The following ANK3 variants were observed in gnomAD, a reference collection of about 807,000 sequenced individuals.
The protein encoded by ANK3 is ankyrin-3.
A neutral mutation model predicts 370.9 loss-of-function variants in ANK3; 57 were observed. The observed-to-expected ratio is 0.15, with a 90% CI of 0.12 to 0.19. ANK3 has a LOEUF of 0.19. ANK3 is among the 10% of genes least tolerant of loss of function. The pLI, the probability that ANK3 is intolerant of heterozygous loss-of-function variation, is 1.00. For missense variants in ANK3, 4,439 were observed against 5,302.1 expected (o/e 0.84, Z 5.06); for synonymous variants, 1,929 against 1,946.3 (o/e 0.99, Z 0.23).
chr10:60,666,637 TAAGA>T lies in ANK3; in HGVS notation c.58-51417_58-51414del, dbSNP rs2078999670. Among the ~76,000 whole-genome samples, 4 of 152,208 alleles carry T rather than the reference TAAGA, an allele frequency of 2.6e-5. No homozygotes were observed. The South Asian group carries it at 8.3e-4, about 32-fold the overall frequency. Reference sequence around the variant, plus strand: ...ATAGGTTTCTTAAGTGTAGAAAACTTAAGAGAGAAAAAAGAGGTGTGCATATATT... The same window carrying T: ...ATAGGTTTCTTAAGTGTAGAAAACTTGAGAAAAAAGAGGTGTGCATATATT... On this transcript the variant is annotated intron_variant, in intron 1 of 43. Coordinates refer to the ANK3 transcript ENST00000373827.
intron 8 of ANK3, among the ~76,000 whole-genome samples, chr10:60,227,201 T>C (rs998661007): frequency 9.2e-5 from 14 of 152,048 alleles, no homozygotes; most frequent in Admixed American, 1.3e-4. Context: ...GATATTTATA[T>C]CAATCTATGT....
chr10:60,562,262 T>C (rs2077352634), intron 2 of ANK3, among the ~76,000 whole-genome samples: 1 of 152,258 alleles, frequency 6.6e-6, no homozygotes, highest in Non-Finnish European at 1.5e-5. Context: ...TGCTTAATGT[T>C]CCAAATTTCA....
chr10:60,214,845 A>G (rs888557547), intron 8 of ANK3, among the ~76,000 whole-genome samples: 1 of 152,192 alleles, frequency 6.6e-6, no homozygotes, highest in Non-Finnish European at 1.5e-5. Context: ...TCTTTATAGT[A>G]GAATGATTTA....
intron 2 of ANK3, among the ~76,000 whole-genome samples, chr10:60,525,432 A>G (rs1007084058): frequency 6.6e-5 from 10 of 152,156 alleles, no homozygotes; most frequent in Non-Finnish European, 1.2e-4. Context: ...TAAAATTTAG[A>G]AGAGTTGAAG....
chr10:60,588,160 T>TTTTTTATTA (rs375338986), intron 2 of ANK3, among the ~76,000 whole-genome samples: 19 of 141,112 alleles, frequency 1.3e-4, no homozygotes, highest in East Asian at 1.2e-3. Flanking sequence ...TTTCTCAGTT[T>TTTTTTATTA]TTATTATTAT....
At chr10:60,240,594 A>G (rs1272427366) in intron 7 of ANK3, among the ~76,000 whole-genome samples, 1 of 150,406 alleles carries the variant, frequency 6.6e-6, no homozygotes, top group African/African-American at 2.5e-5. Flanking sequence ...GTGAGCCACC[A>G]CACCCAGTCA....
Position 60,069,162 on chromosome 10 carries a change from C to T in ANK3, c.11719G>A (p.Val3907Ile). 6.2e-7 allele frequency: 1 copy of T among 1,614,196 alleles called. No homozygotes were observed. Among genetic ancestry groups the T allele is most frequent in the Non-Finnish European group, 8.5e-7 (1 of 1,180,024 alleles). Residue 3907 changes from valine (V) to isoleucine (I), a missense_variant, in exon 37 of 44, where the codon GTA (valine) becomes ATA (isoleucine). Val to Ile is a conservative substitution (Grantham distance 29, BLOSUM62 3). This residue lies in a region of ANK3 where 496 missense variants were observed against 529.3 expected (regional missense o/e 0.94). Transcript: ENST00000280772. Reference sequence around the variant, plus strand: ...ACTGGAATTCTGGACTTTACATCTACACATGAAGAAGTAGTAAGGGCTTTG... The same window carrying T: ...ACTGGAATTCTGGACTTTACATCTATACATGAAGAAGTAGTAAGGGCTTTG... ...KTKALTTSSC[V>I]DVKSRIPVKN...
chr10:60,636,567 A>C (rs2078558053), intron 1 of ANK3, among the ~76,000 whole-genome samples: 1 of 152,224 alleles, frequency 6.6e-6, no homozygotes, highest in Admixed American at 6.5e-5. Context: ...GTTATTAGTA[A>C]GAGCCCAGAC....
chr10:60,579,311 G>A (rs535606807), intron 2 of ANK3, among the ~76,000 whole-genome samples: 7 of 130,880 alleles, frequency 5.3e-5, no homozygotes, highest in African/African-American at 8.8e-5. Context: ...GCACCAGAGC[G>A]AGACTCTCTC....
chr10:60,441,735 T>C (rs1289878420), intron 2 of ANK3, among the ~76,000 whole-genome samples: 1 of 152,192 alleles, frequency 6.6e-6, no homozygotes, highest in Non-Finnish European at 1.5e-5. Flanking sequence ...TTCATACAAG[T>C]ACATAAATTT....
intron 23 of ANK3, among the ~76,000 whole-genome samples, chr10:60,161,052 T>C (rs1245891759): frequency 6.6e-6 from 1 of 152,076 alleles, no homozygotes. Context: ...CAATTAGACA[T>C]GAGAAAGAAA....
chr10:60,621,177 G>A (rs1335136387), intron 1 of ANK3, among the ~76,000 whole-genome samples: 1 of 152,148 alleles, frequency 6.6e-6, no homozygotes, highest in Non-Finnish European at 1.5e-5. Context: ...GCAATGCAAT[G>A]CAATGCAATG....
At chr10:60,716,746 G>A (rs1389224418) in intron 1 of ANK3, among the ~76,000 whole-genome samples, 3 of 152,064 alleles carry the variant, frequency 2.0e-5, no homozygotes, top group Non-Finnish European at 4.4e-5. Flanking sequence ...AAACTCCTGC[G>A]CTCAAGTGAT....
chr10:60,373,452 G>C (rs1270690930), intron 1 of ANK3, among the ~76,000 whole-genome samples: 16 of 152,200 alleles, frequency 1.1e-4, no homozygotes, highest in Admixed American at 1.0e-3. Context: ...GAAAGCAGGA[G>C]TTGGTGTGCC....
chr10:60,216,844 T>C (rs558983421), intron 8 of ANK3, among the ~76,000 whole-genome samples: 146 of 152,210 alleles, frequency 9.6e-4, no homozygotes, highest in African/African-American at 3.2e-3. Context: ...GGAATGGTAC[T>C]AGCTCCTCTT....
At chr10:60,670,390 C>T (rs1564524202) in intron 1 of ANK3, among the ~76,000 whole-genome samples, 1 of 152,172 alleles carries the variant, frequency 6.6e-6, no homozygotes, top group African/African-American at 2.4e-5. Context: ...CTGGATTCCT[C>T]CCCTTTCCTC....
At chr10:60,365,214 A>G in intron 1 of ANK3, among the ~76,000 whole-genome samples, 1 of 151,804 alleles carries the variant, frequency 6.6e-6, no homozygotes. Context: ...TGTTACAGAG[A>G]TATCATTCAA....
At chr10:60,335,273 C>G (rs990866052) in intron 1 of ANK3, among the ~76,000 whole-genome samples, 2 of 151,972 alleles carry the variant, frequency 1.3e-5, no homozygotes, top group African/African-American at 4.8e-5. Context: ...CTCTACTTCA[C>G]ATTCAATCTC....
intron 2 of ANK3, among the ~76,000 whole-genome samples, chr10:60,569,706 C>A (rs1335724472): frequency 6.6e-6 from 1 of 152,152 alleles, no homozygotes; most frequent in African/African-American, 2.4e-5. Flanking sequence ...GACTTTATAC[C>A]CAAATGCCCT....
Sources: gnomAD v4.1 joint callset for allele counts (sites outside exome capture counted in the v4.1 genomes callset) on GRCh38, gnomAD v4.1.1 for gene constraint, gnomAD v4.1.1 regional missense constraint, MANE v1.5 for transcripts, NCBI Gene and HGNC (gene_info 2026-07-23, HGNC 2026-07-21) for gene names.